The following FHL5 variants were observed in gnomAD, a reference collection of about 807,000 sequenced individuals.
FHL5 encodes four and a half LIM domains 5, also known as four and a half LIM domains protein 5.
In FHL5, 33 loss-of-function variants were observed where a neutral mutation model predicts 32.0. The observed-to-expected ratio is 1.03, with a 90% CI of 0.78 to 1.38. The LOEUF (loss-of-function observed/expected upper bound fraction) is 1.38, where lower values mean the gene tolerates loss of function less well. Ranked by LOEUF, FHL5 falls within the 40% of genes most tolerant of loss-of-function variation. FHL5 has a pLI of 0.00. For missense variants in FHL5, 336 were observed against 343.9 expected (o/e 0.98, Z 0.18); for synonymous variants, 114 against 113.6 (o/e 1.00, Z -0.02).
In FHL5 at chr6:96,582,283, T is replaced by C. The variant is rs111604293; in HGVS notation, c.-13+18928T>C. On this transcript the variant is annotated intron_variant, in intron 1 of 5. Transcript: ENST00000450218. ...GTTGGGCTCTGGTTAGACAGAGTCC[T>C]AGATAATCCAATTTTATCTTCAAAG... Among the ~76,000 whole-genome samples, 664 of 152,262 alleles carry C rather than the reference T, an allele frequency of 4.4e-3. 3 individuals are homozygous for C. The highest frequency in any genetic ancestry group is 0.012 in the African/African-American group (518 of 41,562).
At chr6:96,578,847 A>T (rs778599128) in intron 1 of FHL5, among the ~76,000 whole-genome samples, 44 of 152,200 alleles carry the variant, frequency 2.9e-4, no homozygotes, top group Non-Finnish European at 4.4e-4. Context: ...GTCTCAAAAA[A>T]AAATAAATAA....
chr6:96,569,714 T>C (rs1265945045), intron 1 of FHL5, among the ~76,000 whole-genome samples: 1 of 151,986 alleles, frequency 6.6e-6, no homozygotes, highest in Non-Finnish European at 1.5e-5. Context: ...GTATAGCTAT[T>C]CTCCCTTGCT....
intron 5 of FHL5, among the ~76,000 whole-genome samples, chr6:96,611,580 G>C (rs1481896365): frequency 6.6e-6 from 1 of 152,170 alleles, no homozygotes; most frequent in African/African-American, 2.4e-5. Flanking sequence ...TGTCAGAACT[G>C]TATATCTACT....
chr6:96,598,277 C>T (rs1771076206), intron 1 of FHL5, among the ~76,000 whole-genome samples: 1 of 152,182 alleles, frequency 6.6e-6, no homozygotes, highest in Admixed American at 6.5e-5. Context: ...CCACCATCAA[C>T]AGCAGCAGGA....
intron 1 of FHL5, among the ~76,000 whole-genome samples, chr6:96,564,675 T>A (rs1770315244): frequency 1.3e-5 from 2 of 152,196 alleles, no homozygotes; most frequent in South Asian, 4.1e-4. Context: ...AGACAGATAT[T>A]TAATTTGTCT....
chr6:96,564,582 T>C (rs930771727), intron 1 of FHL5, among the ~76,000 whole-genome samples: 10 of 152,200 alleles, frequency 6.6e-5, no homozygotes, highest in African/African-American at 2.4e-4. Flanking sequence ...TTAATCTGTG[T>C]TTCTTACATA....
rs1210668654 is a variant in FHL5, at chr6:96,615,721, C to T, written c.804C>T (p.Asn268=). 3 of 1,612,014 alleles carry T rather than the reference C, an allele frequency of 1.9e-6. No individual in the cohort carries two copies. The highest frequency in any genetic ancestry group is 1.7e-5 in the Admixed American group (1 of 59,734). The change falls in exon 6 of 6, where the codon AAC becomes AAT. Residue 268 remains asparagine (N), a synonymous_variant. Transcript: ENST00000450218. Reference sequence around the variant, plus strand: ...TGGGTAAAGGCTTCCTGACCCAGAACAAGGAAATCTTCTGCCAAAAATGTG... The same window carrying T: ...TGGGTAAAGGCTTCCTGACCCAGAATAAGGAAATCTTCTGCCAAAAATGTG... The part of the protein sequence containing the change: ...SLVGKGFLTQ[N]KEIFCQKCGS...
At chr6:96,574,857 A>G (rs1770553309) in intron 1 of FHL5, among the ~76,000 whole-genome samples, 1 of 152,214 alleles carries the variant, frequency 6.6e-6, no homozygotes, top group Non-Finnish European at 1.5e-5. Context: ...TAGATACCAA[A>G]TGATCTGAAA....
chr6:96,601,700 T>G (rs976917108), intron 1 of FHL5, among the ~76,000 whole-genome samples: 8 of 152,186 alleles, frequency 5.3e-5, no homozygotes, highest in Non-Finnish European at 7.3e-5. Flanking sequence ...AAAATAAATA[T>G]TAATGAAAAC....
intron 5 of FHL5, among the ~76,000 whole-genome samples, chr6:96,614,712 T>G (rs565719991): frequency 7.9e-5 from 12 of 152,292 alleles, no homozygotes; most frequent in African/African-American, 2.9e-4. Flanking sequence ...CATCTCAACC[T>G]CTTCCCAAAC....
chr6:96,610,493 T>G, intron 4 of FHL5, 79 bp from the exon 5 acceptor site: 1 of 1,033,092 alleles, frequency 9.7e-7, no homozygotes, highest in African/African-American at 1.6e-5. Context: ...CCAGAGATAC[T>G]AGGATCTCAA....
At chr6:96,569,471 TA>T (rs1233585552) in intron 1 of FHL5, among the ~76,000 whole-genome samples, 3 of 152,180 alleles carry the variant, frequency 2.0e-5, no homozygotes, top group East Asian at 3.9e-4. Flanking sequence ...CAGTTTAAAT[TA>T]AATGTTTCTT....
chr6:96,577,541 T>C (rs1327413579), intron 1 of FHL5, among the ~76,000 whole-genome samples: 1 of 152,170 alleles, frequency 6.6e-6, no homozygotes, highest in African/African-American at 2.4e-5. Context: ...AAATATGATT[T>C]TGGGCTTATC....
intron 1 of FHL5, among the ~76,000 whole-genome samples, chr6:96,584,549 A>C (rs1243354275): frequency 2.0e-5 from 3 of 151,584 alleles, no homozygotes; most frequent in Non-Finnish European, 4.4e-5. Context: ...TGAGAAGATA[A>C]TCAAAGATCT....
intron 3 of FHL5, among the ~76,000 whole-genome samples, chr6:96,605,131 T>C (rs1364648848): frequency 1.3e-5 from 2 of 152,220 alleles, no homozygotes; most frequent in Non-Finnish European, 2.9e-5. Flanking sequence ...GTTCTGTGTA[T>C]TTTCATATAG....
At chr6:96,590,381 A>G (rs1770888999) in intron 1 of FHL5, among the ~76,000 whole-genome samples, 1 of 151,954 alleles carries the variant, frequency 6.6e-6, no homozygotes, top group Non-Finnish European at 1.5e-5. Flanking sequence ...TTTCTCAGGG[A>G]ATTTAAATAT....
intron 1 of FHL5, among the ~76,000 whole-genome samples, chr6:96,587,789 T>C (rs1020327045): frequency 2.0e-5 from 3 of 152,232 alleles, no homozygotes; most frequent in African/African-American, 7.2e-5. Context: ...TTCCTAATAA[T>C]AAACTTTGGC....
chr6:96,562,805 T>G (rs1780793548), upstream of FHL5: 1 of 152,136 alleles, frequency 6.6e-6, no homozygotes, highest in African/African-American at 2.4e-5. Context: ...GCTCAGCGGT[T>G]CAGACATTTC....
At chr6:96,586,508 A>T (rs1354678453) in intron 1 of FHL5, among the ~76,000 whole-genome samples, 1 of 152,194 alleles carries the variant, frequency 6.6e-6, no homozygotes, top group Non-Finnish European at 1.5e-5. Flanking sequence ...GCAAACATCA[A>T]ATTTACAGTG....
Sources: gnomAD v4.1 joint callset for allele counts (sites outside exome capture counted in the v4.1 genomes callset) on GRCh38, gnomAD v4.1.1 for gene constraint, MANE v1.5 for transcripts, NCBI Gene and HGNC (gene_info 2026-07-23, HGNC 2026-07-21) for gene names.